Variants in ZNF143 observed in about 807,000 individuals in gnomAD.
ZNF143 encodes zinc finger protein 143.
In ZNF143, 49 loss-of-function variants were observed where a neutral mutation model predicts 74.1. The observed-to-expected ratio is 0.66, with a 90% CI of 0.53 to 0.84. The LOEUF (loss-of-function observed/expected upper bound fraction) is 0.84, where lower values mean the gene tolerates loss of function less well. ZNF143 is among the 40% of genes least tolerant of loss of function. ZNF143 has a pLI of 0.00. For synonymous variants in ZNF143, 304 were observed against 282.8 expected (o/e 1.07, Z -0.75); for missense variants, 637 against 793.4 (o/e 0.80, Z 2.37).
intron 13 of ZNF143, among the ~76,000 whole-genome samples, chr11:9,513,799 G>GCGGGAGGATCACTTGCACC (rs1848634127): frequency 6.6e-6 from 1 of 152,214 alleles, no homozygotes. Flanking sequence ...GTAGGCTGAG[G>GCGGGAGGATCACTTGCACC]CGGGAGGATC....
At chr11:9,511,972 C>T (rs1370685290) in intron 12 of ZNF143, among the ~76,000 whole-genome samples, 5 of 151,614 alleles carry the variant, frequency 3.3e-5, no homozygotes, top group Admixed American at 1.3e-4. Flanking sequence ...AGGATGGTCT[C>T]GATCTCCTGA....
At chr11:9,470,342 A>G (rs551127126) in intron 1 of ZNF143, among the ~76,000 whole-genome samples, 1 of 152,228 alleles carries the variant, frequency 6.6e-6, no homozygotes, top group African/African-American at 2.4e-5. Context: ...GATAAACTAA[A>G]TACATAAATA....
intron 12 of ZNF143, among the ~76,000 whole-genome samples, chr11:9,512,122 C>T (rs968053825): frequency 2.0e-5 from 3 of 152,134 alleles, no homozygotes; most frequent in Non-Finnish European, 4.4e-5. Context: ...TGCTAGTTTT[C>T]CTGTACAGTT....
At chr11:9,519,304 T>G (rs1848830696) in intron 14 of ZNF143, among the ~76,000 whole-genome samples, 1 of 151,880 alleles carries the variant, frequency 6.6e-6, no homozygotes, top group South Asian at 2.1e-4. Flanking sequence ...CTCCCGCGCC[T>G]GGCTAATTTT....
At chr11:9,500,641 G>T (rs1848126074) in intron 10 of ZNF143, among the ~76,000 whole-genome samples, 1 of 151,882 alleles carries the variant, frequency 6.6e-6, no homozygotes, top group Non-Finnish European at 1.5e-5. Context: ...CACCATGTTG[G>T]CCAGGCTGGT....
intron 13 of ZNF143, among the ~76,000 whole-genome samples, chr11:9,514,557 C>CT (rs1565063876): frequency 6.6e-6 from 1 of 152,190 alleles, no homozygotes; most frequent in African/African-American, 2.4e-5. Context: ...ACAGAAAGTG[C>CT]TGTGGCACCC....
chr11:9,480,843 C>T (rs1334874600), intron 7 of ZNF143, among the ~76,000 whole-genome samples: 4 of 150,188 alleles, frequency 2.7e-5, no homozygotes, highest in African/African-American at 4.9e-5. Context: ...GCCAAGATCG[C>T]GCTGTTGCAC....
intron 11 of ZNF143, among the ~76,000 whole-genome samples, chr11:9,503,090 C>T (rs1309109079): frequency 6.6e-6 from 1 of 152,126 alleles, no homozygotes; most frequent in Non-Finnish European, 1.5e-5. Flanking sequence ...CTCGACCTCC[C>T]AAAGTGCTGG....
At chr11:9,476,804 G>A (rs1856930645) in intron 5 of ZNF143, among the ~76,000 whole-genome samples, 1 of 105,432 alleles carries the variant, frequency 9.5e-6, no homozygotes, top group Non-Finnish European at 1.7e-5. Flanking sequence ...CTCTCTCCCA[G>A]TCTGGAGTGC....
At chr11:9,473,879 A>G in intron 3 of ZNF143, 62 bp from the exon 4 acceptor site, 1 of 1,613,186 alleles carries the variant, frequency 6.2e-7, no homozygotes. Flanking sequence ...ATCATTTTGA[A>G]ATTGTATAAA....
chr11:9,470,076 G>T (rs1028290917), intron 1 of ZNF143, among the ~76,000 whole-genome samples: 1 of 152,204 alleles, frequency 6.6e-6, no homozygotes, highest in Non-Finnish European at 1.5e-5. Flanking sequence ...ACATCTTCTG[G>T]TTCAGTTCCC....
rs984661960 is a variant in ZNF143 at position 9,520,323 on chromosome 11, ATT to A, written c.1686+3983_1686+3984del. Among the ~76,000 whole-genome samples the A allele has an allele frequency of 3.3e-3, 402 of 122,354 alleles. 2 individuals carry two copies. Among genetic ancestry groups the A allele is most frequent in the African/African-American group, 0.012 (381 of 32,032 alleles). The allele number at this position is 122,354 out of a possible 152,430, so 80.3% of individuals were successfully genotyped here. On this transcript the variant is annotated intron_variant, in intron 14 of 15. Transcript: ENST00000396602. Reference sequence around the variant, plus strand: ...AGTGCTGAGCCACTGTGCCTGTCCAATTTTTTTTTTTTTTTTTTTTTTTAATT... The same window carrying A: ...AGTGCTGAGCCACTGTGCCTGTCCAATTTTTTTTTTTTTTTTTTTTTAATT...
intron 7 of ZNF143, among the ~76,000 whole-genome samples, chr11:9,483,286 G>C (rs1847321362): frequency 7.3e-5 from 5 of 68,462 alleles, no homozygotes; most frequent in South Asian, 4.3e-4. Flanking sequence ...GAGCCAACAT[G>C]CCTTTTTTTT....
intron 7 of ZNF143, among the ~76,000 whole-genome samples, chr11:9,481,540 C>G (rs926860534): frequency 2.0e-5 from 3 of 152,028 alleles, no homozygotes; most frequent in African/African-American, 7.2e-5. Context: ...AATAAGTTCT[C>G]TGTCTTATTG....
chr11:9,464,960 G>A (rs76168237), intron 1 of ZNF143, among the ~76,000 whole-genome samples: 4,319 of 151,844 alleles, frequency 0.028, 189 homozygotes, highest in African/African-American at 0.093. Flanking sequence ...GGCCTATAAG[G>A]GTAATTAATT....
chr11:9,515,285 T>A (rs1386969082), intron 13 of ZNF143, among the ~76,000 whole-genome samples: 2 of 152,106 alleles, frequency 1.3e-5, no homozygotes, highest in African/African-American at 4.8e-5. Context: ...TGGATTCTCG[T>A]AGAAATTCAG....
chr11:9,489,712 T>A (rs1246897577), intron 7 of ZNF143, among the ~76,000 whole-genome samples: 2 of 152,202 alleles, frequency 1.3e-5, no homozygotes, highest in African/African-American at 4.8e-5. Flanking sequence ...TTGGCAGATG[T>A]GGAAAGCTGG....
intron 7 of ZNF143, among the ~76,000 whole-genome samples, chr11:9,491,418 C>T (rs1847769853): frequency 6.6e-6 from 1 of 151,854 alleles, no homozygotes; most frequent in Non-Finnish European, 1.5e-5. Flanking sequence ...AGGCGGATCA[C>T]GAGGTCAGGA....
At chr11:9,464,198 C>A (rs978876074) in intron 1 of ZNF143, among the ~76,000 whole-genome samples, 1 of 152,008 alleles carries the variant, frequency 6.6e-6, no homozygotes, top group African/African-American at 2.4e-5. Context: ...GTGGCATGAT[C>A]TCAGCTCACT....
Sources: gnomAD v4.1 joint callset for allele counts (sites outside exome capture counted in the v4.1 genomes callset) on GRCh38, gnomAD v4.1.1 for gene constraint, MANE v1.5 for transcripts, NCBI Gene and HGNC (gene_info 2026-07-23, HGNC 2026-07-21) for gene names.